The following IMMP2L variants were observed in gnomAD, a reference collection of about 807,000 sequenced individuals.
IMMP2L encodes mitochondrial inner membrane protease subunit 2.
In IMMP2L, 18 loss-of-function variants were observed where a neutral mutation model predicts 19.3. The ratio of observed to expected loss-of-function variants is 0.93; its 90% CI spans 0.64 to 1.38. The LOEUF (loss-of-function observed/expected upper bound fraction) is 1.38. Ranked by LOEUF, IMMP2L falls within the 40% of genes most tolerant of loss-of-function variation. The pLI, the probability that IMMP2L is intolerant of heterozygous loss-of-function variation, is 0.00. For synonymous variants in IMMP2L, 76 were observed against 73.0 expected (o/e 1.04, Z -0.21); for missense variants, 233 against 218.2 (o/e 1.07, Z -0.43).
At chr7:110,876,608 G>C (rs1007169999) in intron 5 of IMMP2L, among the ~76,000 whole-genome samples, 14 of 152,102 alleles carry the variant, frequency 9.2e-5, no homozygotes, top group African/African-American at 3.4e-4. Flanking sequence ...TAATACGAGG[G>C]AGCAGAATCT....
intron 5 of IMMP2L, among the ~76,000 whole-genome samples, chr7:110,813,162 T>G (rs1802168560): frequency 6.6e-6 from 1 of 151,962 alleles, no homozygotes; most frequent in South Asian, 2.1e-4. Flanking sequence ...TGGAAAGAGG[T>G]ACATGAAGAG....
At chr7:110,909,398 AAAAT>A (rs953648089) in intron 4 of IMMP2L, among the ~76,000 whole-genome samples, 1 of 152,184 alleles carries the variant, frequency 6.6e-6, no homozygotes, top group African/African-American at 2.4e-5. Flanking sequence ...TGATGGCCCT[AAAAT>A]AAATACCTTA....
intron 3 of IMMP2L, among the ~76,000 whole-genome samples, chr7:111,463,176 CGTGTGTGTGT>C (rs200916257): frequency 6.7e-6 from 1 of 149,482 alleles, no homozygotes; most frequent in Non-Finnish European, 1.5e-5. Flanking sequence ...CATCATCTTC[CGTGTGTGTGT>C]GTGTGTGTGT....
At chr7:111,164,576 A>G (rs1216995733) in intron 3 of IMMP2L, among the ~76,000 whole-genome samples, 1 of 152,102 alleles carries the variant, frequency 6.6e-6, no homozygotes, top group East Asian at 1.9e-4. Context: ...CCCAGTTATC[A>G]AGAACAGGGT....
intron 5 of IMMP2L, among the ~76,000 whole-genome samples, chr7:110,801,145 T>C (rs1214956085): frequency 1.3e-5 from 2 of 152,116 alleles, no homozygotes; most frequent in African/African-American, 4.8e-5. Flanking sequence ...AAAATGTTTC[T>C]ACACCTCAGT....
intron 3 of IMMP2L, among the ~76,000 whole-genome samples, chr7:111,092,655 A>G (rs755632971): frequency 1.3e-4 from 20 of 152,200 alleles, no homozygotes; most frequent in Admixed American, 6.5e-4. Context: ...AAACTCTATG[A>G]GCATCCATGT....
Position 111,264,267 on chromosome 7 carries a change from C to T in IMMP2L, c.239+222971G>A, listed in dbSNP as rs56184303. Among the ~76,000 whole-genome samples the T allele has an allele frequency of 2.2e-3, 330 of 152,168 alleles. 4 individuals carry two copies. The highest frequency in any genetic ancestry group is 7.2e-3 in the African/African-American group (299 of 41,538). On this transcript the variant is annotated intron_variant, in intron 3 of 5. Transcript: ENST00000405709. ...GAACATCACCTGACAAGGGCACGGG[C>T]CCATTTACAAACAAAATTTTCTTGG...
intron 3 of IMMP2L, among the ~76,000 whole-genome samples, chr7:111,154,336 T>C (rs751952888): frequency 5.9e-5 from 9 of 152,150 alleles, no homozygotes; most frequent in East Asian, 5.8e-4. Context: ...TAAGGGTAGA[T>C]AGGCATTAGC....
chr7:111,013,038 T>C (rs982612584), intron 3 of IMMP2L, among the ~76,000 whole-genome samples: 1 of 152,070 alleles, frequency 6.6e-6, no homozygotes, highest in Non-Finnish European at 1.5e-5. Context: ...TGAGCTAGAT[T>C]GGTATGATTC....
intron 3 of IMMP2L, among the ~76,000 whole-genome samples, chr7:111,035,015 A>G (rs1208378408): frequency 6.6e-6 from 1 of 152,112 alleles, no homozygotes; most frequent in Non-Finnish European, 1.5e-5. Flanking sequence ...GTATGGTTAC[A>G]GTTTTTTAAA....
At chr7:111,159,405 C>T (rs767171891) in intron 3 of IMMP2L, among the ~76,000 whole-genome samples, 2 of 152,064 alleles carry the variant, frequency 1.3e-5, no homozygotes, top group East Asian at 1.9e-4. Flanking sequence ...TGAGCTCCCA[C>T]GCCTGTCCTC....
chr7:111,451,452 T>G (rs1409834975), intron 3 of IMMP2L, among the ~76,000 whole-genome samples: 1 of 148,088 alleles, frequency 6.8e-6, no homozygotes, highest in Non-Finnish European at 1.5e-5. Flanking sequence ...CTCAGTAAAC[T>G]ATCGCAAGAA....
chr7:110,798,898 C>T (rs900625375), intron 5 of IMMP2L, among the ~76,000 whole-genome samples: 3 of 151,832 alleles, frequency 2.0e-5, no homozygotes, highest in African/African-American at 7.3e-5. Context: ...GATTAATGGG[C>T]AATGACATCA....
intron 5 of IMMP2L, among the ~76,000 whole-genome samples, chr7:110,759,382 C>T (rs1415388597): frequency 1.3e-5 from 2 of 151,850 alleles, no homozygotes; most frequent in South Asian, 2.1e-4. Flanking sequence ...AAACATTTGC[C>T]GAATGAATGA....
intron 3 of IMMP2L, among the ~76,000 whole-genome samples, chr7:111,079,230 G>A (rs916206722): frequency 2.0e-5 from 3 of 147,778 alleles, no homozygotes; most frequent in Non-Finnish European, 4.5e-5. Context: ...CCATTCTCCT[G>A]CCTCAGCCTC....
intron 5 of IMMP2L, among the ~76,000 whole-genome samples, chr7:110,814,645 TACTC>T (rs1379177446): frequency 6.7e-6 from 1 of 149,614 alleles, no homozygotes; most frequent in Non-Finnish European, 1.5e-5. Context: ...GAAATGGACT[TACTC>T]TATCGCTCAG....
intron 5 of IMMP2L, among the ~76,000 whole-genome samples, chr7:110,850,704 T>C (rs1303949130): frequency 6.7e-6 from 1 of 149,514 alleles, no homozygotes; most frequent in African/African-American, 2.5e-5. Context: ...TCAAAATTCT[T>C]AGTAAAAAAA....
rs758245625 is a variant in IMMP2L at position 111,493,913 on chromosome 7, T to C, written c.136-6572A>G. ...TACTCGGGAGGCTGAGGCAGGAGAA[T>C]GGCGTGAACCCAGGAGGCGGGGCTT... On this transcript the variant is annotated intron_variant, in intron 2 of 5. Coordinates refer to ENST00000405709, the MANE Select transcript of IMMP2L (RefSeq NM_032549.4). Among the ~76,000 whole-genome samples, 141 of 135,534 alleles carry C rather than the reference T, an allele frequency of 1.0e-3. No homozygotes were observed. The Middle Eastern group carries it at 0.02, about 19-fold the overall frequency. The allele number at this position is 135,534 out of a possible 152,430, so 88.9% of individuals were successfully genotyped here. A position where few individuals can be genotyped will look rare whatever the true frequency, so the allele number is the denominator to read the frequency against.
intron 3 of IMMP2L, among the ~76,000 whole-genome samples, chr7:111,132,016 T>C (rs1404811151): frequency 1.3e-5 from 2 of 151,948 alleles, no homozygotes; most frequent in Non-Finnish European, 1.5e-5. Flanking sequence ...GATTCATTAA[T>C]TGTTCCTATT....
Sources: allele counts gnomAD v4.1 joint callset (sites outside exome capture counted in the v4.1 genomes callset), GRCh38; gene constraint gnomAD v4.1.1; transcripts MANE v1.5; gene names NCBI Gene and HGNC (gene_info 2026-07-23, HGNC 2026-07-21).